PLXNC1: variants seen among roughly 807,000 people sequenced by gnomAD.
PLXNC1 encodes plexin-C1.
Under a neutral mutation model 178.2 loss-of-function variants are expected in PLXNC1, and 75 were observed. The observed-to-expected ratio is 0.42, with a 90% CI of 0.35 to 0.51. The LOEUF (loss-of-function observed/expected upper bound fraction) is 0.51. Among genes scored for constraint, PLXNC1 ranks in the 20% least tolerant of loss-of-function variants. The probability of loss-of-function intolerance (pLI) is 0.02; values close to 1 mark genes in which losing one functional copy is unlikely to be tolerated. For missense variants in PLXNC1, 1,503 were observed against 1,984.4 expected (o/e 0.76, Z 4.61); for synonymous variants, 790 against 779.9 (o/e 1.01, Z -0.22).
chr12:94,212,921 G>A (rs113445792), intron 5 of PLXNC1, among the ~76,000 whole-genome samples: 2,163 of 151,996 alleles, frequency 0.014, 62 homozygotes, highest in African/African-American at 0.049. Flanking sequence ...GGGTTTCACC[G>A]TGTTGGCCAA....
Position 94,301,009 on chromosome 12 carries a change from C to A in PLXNC1, c.4338C>A (p.Ala1446=). 6.2e-7 allele frequency: 1 copy of A among 1,613,828 alleles called. No homozygotes were observed. Among genetic ancestry groups the A allele is most frequent in the Non-Finnish European group, 8.5e-7 (1 of 1,179,820 alleles). Reference sequence around the variant, plus strand: ...TAGACGGCTGTTTGTCAGTGATTGCCCAGGCATTCATGGATGCATTTTCTC... The same window carrying A: ...TAGACGGCTGTTTGTCAGTGATTGCACAGGCATTCATGGATGCATTTTCTC... ...PHIDGCLSVI[A]QAFMDAFSLT... is the part of the protein sequence containing the mutation. Residue 1446 remains alanine, a synonymous_variant, in exon 28 of 31, where the codon GCC becomes GCA. Coordinates refer to ENST00000258526, the MANE Select transcript of PLXNC1 (RefSeq NM_005761.3).
chr12:94,169,051 G>A (rs577355470), intron 1 of PLXNC1, 102 bp from the exon 2 acceptor site: 27 of 1,062,554 alleles, frequency 2.5e-5, no homozygotes, highest in Admixed American at 1.9e-4. Context: ...CCAGAAGTGA[G>A]ATCCTGCCTA....
At chr12:94,293,830 AG>A (rs1967619477) in intron 23 of PLXNC1, among the ~76,000 whole-genome samples, 1 of 152,112 alleles carries the variant, frequency 6.6e-6, no homozygotes, top group Non-Finnish European at 1.5e-5. Flanking sequence ...TATGTTGCCC[AG>A]GCTGGTCTCA....
intron 20 of PLXNC1, among the ~76,000 whole-genome samples, chr12:94,261,655 C>A (rs144024456): frequency 6.6e-6 from 1 of 152,184 alleles, no homozygotes; most frequent in South Asian, 2.1e-4. Context: ...ACAGAAGATT[C>A]TTATCCTTTA....
At chr12:94,197,917 C>T (rs1188440230) in intron 4 of PLXNC1, among the ~76,000 whole-genome samples, 1 of 152,092 alleles carries the variant, frequency 6.6e-6, no homozygotes, top group Admixed American at 6.5e-5. Context: ...GCACTCAGGG[C>T]CCACCTGAGT....
chr12:94,193,726 T>C (rs1962810023), intron 4 of PLXNC1, among the ~76,000 whole-genome samples: 1 of 152,164 alleles, frequency 6.6e-6, no homozygotes, highest in African/African-American at 2.4e-5. Flanking sequence ...GGTGAGTTAT[T>C]GCATTGAAGC....
intron 1 of PLXNC1, among the ~76,000 whole-genome samples, chr12:94,155,106 A>G (rs1389727457): frequency 2.0e-5 from 3 of 152,136 alleles, no homozygotes; most frequent in Non-Finnish European, 4.4e-5. Flanking sequence ...ACCTCTTCCC[A>G]GGTACTTCCA....
chr12:94,149,282 G>C lies in PLXNC1; in HGVS notation c.311G>C (p.Ser104Thr). Residue 104 changes from serine to threonine, a missense_variant, in exon 1 of 31, where the codon AGC (serine) becomes ACC (threonine). Ser to Thr is a moderately conservative substitution (Grantham distance 58, BLOSUM62 1). Around this residue, in one of 4 missense-constraint regions of PLXNC1, gnomAD observed 176 missense variants for 180.7 expected, o/e 0.97. Transcript: ENST00000258526. Reference protein sequence around the residue: ...APPARPRPGSSFSKLLLPYRE... With the variant: ...APPARPRPGSTFSKLLLPYRE... ...CCCGCGCGGCCCCGGCCCGGGAGCA[G>C]CTTCAGCAAGCTGCTGCTGCCCTAC... 1 of 1,506,552 alleles carries C rather than the reference G, an allele frequency of 6.6e-7. No individual in the cohort carries two copies. The highest frequency in any genetic ancestry group is 8.8e-7 in the Non-Finnish European group (1 of 1,136,730). The allele number at this position is 1,506,552 out of a possible 1,614,324, so 93.3% of individuals were successfully genotyped here. A position where few individuals can be genotyped will look rare whatever the true frequency, so the allele number is the denominator to read the frequency against.
intron 3 of PLXNC1, among the ~76,000 whole-genome samples, chr12:94,184,292 A>ATT (rs758076836): frequency 0.083 from 11,811 of 142,570 alleles, 605 homozygotes; most frequent in African/African-American, 0.14. Context: ...TAATTTTTGT[A>ATT]TTTTTTTTTT....
chr12:94,189,352 G>A (rs1447666093), intron 4 of PLXNC1, among the ~76,000 whole-genome samples: 2 of 152,158 alleles, frequency 1.3e-5, no homozygotes, highest in Non-Finnish European at 2.9e-5. Flanking sequence ...TGAAAAGGTG[G>A]CAGGGTCTGT....
intron 4 of PLXNC1, among the ~76,000 whole-genome samples, chr12:94,205,119 G>A (rs1963260383): frequency 6.6e-6 from 1 of 152,148 alleles, no homozygotes; most frequent in Non-Finnish European, 1.5e-5. Flanking sequence ...TAGCCTAACA[G>A]AGTTGGCTTC....
intron 5 of PLXNC1, among the ~76,000 whole-genome samples, chr12:94,213,790 A>G (rs571338699): frequency 6.6e-6 from 1 of 152,116 alleles, no homozygotes; most frequent in East Asian, 1.9e-4. Flanking sequence ...TTTTAGGTCT[A>G]ACATTTAAGT....
intron 9 of PLXNC1, among the ~76,000 whole-genome samples, chr12:94,231,680 A>G (rs1461203148): frequency 6.6e-6 from 1 of 152,162 alleles, no homozygotes; most frequent in Non-Finnish European, 1.5e-5. Flanking sequence ...TGACCACAAT[A>G]GAGAAATGAG....
At chr12:94,266,571 G>A (rs972921324) in intron 21 of PLXNC1, among the ~76,000 whole-genome samples, 4 of 152,178 alleles carry the variant, frequency 2.6e-5, no homozygotes, top group Non-Finnish European at 4.4e-5. Flanking sequence ...CTGATGCTGC[G>A]GGTGCTGCTT....
chr12:94,153,451 T>C (rs915118775), intron 1 of PLXNC1, among the ~76,000 whole-genome samples: 2 of 152,244 alleles, frequency 1.3e-5, no homozygotes, highest in Non-Finnish European at 2.9e-5. Flanking sequence ...TGGATTAGTA[T>C]AAAAATGAAT....
intron 1 of PLXNC1, among the ~76,000 whole-genome samples, chr12:94,161,875 C>T (rs2135930190): frequency 6.6e-6 from 1 of 152,252 alleles, no homozygotes; most frequent in South Asian, 2.1e-4. Context: ...AATGATTAGG[C>T]CTACTTATCA....
At chr12:94,175,576 A>G (rs143566236) in intron 2 of PLXNC1, among the ~76,000 whole-genome samples, 192 of 152,328 alleles carry the variant, frequency 1.3e-3, no homozygotes, top group African/African-American at 4.2e-3. Flanking sequence ...ATAGTCTACC[A>G]TGAGGCTTCA....
Position 94,181,534 on chromosome 12 carries a change from C to T in PLXNC1, c.1292C>T (p.Pro431Leu), listed in dbSNP as rs747066189. The stretch of plus-strand genomic sequence containing the variant: ...ACACCTGTTTTCTACAAACTCGTTC[C>T]TGATCCTGTGAAGAATATCTACATT... Reference protein sequence around the residue: ...EETPVFYKLVPDPVKNIYIYL... With the variant: ...EETPVFYKLVLDPVKNIYIYL... The change falls in exon 3 of 31, where the codon CCT (proline) becomes CTT (leucine). Residue 431 changes from proline to leucine, a missense_variant. Transcript: ENST00000258526. 1 of 1,608,880 alleles carries T rather than the reference C, an allele frequency of 6.2e-7. No homozygotes were observed. Among genetic ancestry groups the T allele is most frequent in the Non-Finnish European group, 8.5e-7 (1 of 1,175,634 alleles).
intron 30 of PLXNC1, 157 bp downstream of exon 30, chr12:94,304,208 A>T: frequency 1.7e-6 from 1 of 575,988 alleles, no homozygotes; most frequent in Non-Finnish European, 3.1e-6. Flanking sequence ...ACTGAGCCAG[A>T]CCCTGTACAT....
Sources: allele counts gnomAD v4.1 joint callset (sites outside exome capture counted in the v4.1 genomes callset), GRCh38; gene constraint gnomAD v4.1.1; regional missense constraint gnomAD v4.1.1; transcripts MANE v1.5; gene names NCBI Gene and HGNC (gene_info 2026-07-23, HGNC 2026-07-21).